The following ADIPOR2 variants were observed in gnomAD, a reference collection of about 807,000 sequenced individuals.
The protein encoded by ADIPOR2 is adiponectin receptor protein 2.
In ADIPOR2, 18 loss-of-function variants were observed where a neutral mutation model predicts 40.9. The ratio of observed to expected loss-of-function variants is 0.44; its 90% CI spans 0.30 to 0.65. ADIPOR2 has a LOEUF of 0.65. Ranked by LOEUF, ADIPOR2 falls within the 30% of genes least tolerant of loss-of-function variation. ADIPOR2 has a pLI of 0.09. For synonymous variants in ADIPOR2, 165 were observed against 166.4 expected (o/e 0.99, Z 0.06); for missense variants, 283 against 479.2 (o/e 0.59, Z 3.82).
chr12:1,729,849 G>A (rs1428554751), intron 1 of ADIPOR2, among the ~76,000 whole-genome samples: 3 of 151,894 alleles, frequency 2.0e-5, no homozygotes, highest in Non-Finnish European at 2.9e-5. Flanking sequence ...AAGAAAGCAG[G>A]GAAAAGCACA....
intron 3 of ADIPOR2, among the ~76,000 whole-genome samples, chr12:1,777,461 A>G (rs975462202): frequency 3.0e-5 from 4 of 135,136 alleles, no homozygotes; most frequent in African/African-American, 1.1e-4. Flanking sequence ...ATCTCAGCTC[A>G]CCACAACCTC....
chr12:1,711,496 C>A (rs1565633198), intron 1 of ADIPOR2, among the ~76,000 whole-genome samples: 1 of 151,952 alleles, frequency 6.6e-6, no homozygotes, highest in Non-Finnish European at 1.5e-5. Flanking sequence ...GGTTGAAGTT[C>A]CACTTAAGAA....
chr12:1,691,906 A>G (rs999386138), intron 1 of ADIPOR2, among the ~76,000 whole-genome samples: 4 of 152,184 alleles, frequency 2.6e-5, no homozygotes, highest in African/African-American at 7.2e-5. Flanking sequence ...CAACTTCATA[A>G]GATGGTCCAA....
intron 1 of ADIPOR2, among the ~76,000 whole-genome samples, chr12:1,749,329 G>A (rs1441237163): frequency 6.6e-6 from 1 of 152,140 alleles, no homozygotes; most frequent in Non-Finnish European, 1.5e-5. Context: ...CTACATGAGA[G>A]AGTCTTAAGA....
At chr12:1,708,624 A>G (rs2094668756) in intron 1 of ADIPOR2, among the ~76,000 whole-genome samples, 1 of 151,856 alleles carries the variant, frequency 6.6e-6, no homozygotes, top group African/African-American at 2.4e-5. Context: ...TGGTAAAAAG[A>G]CTATCCTTTC....
chr12:1,758,624 T>C (rs1862200461), intron 2 of ADIPOR2, among the ~76,000 whole-genome samples: 1 of 152,184 alleles, frequency 6.6e-6, no homozygotes, highest in Non-Finnish European at 1.5e-5. Flanking sequence ...AGAAGGGGGA[T>C]AGATAAGAGT....
At chr12:1,769,493 T>C (rs1431173398) in intron 2 of ADIPOR2, among the ~76,000 whole-genome samples, 1 of 152,272 alleles carries the variant, frequency 6.6e-6, no homozygotes. Flanking sequence ...GGGTAGGAAT[T>C]GGTCATAGTA....
intron 1 of ADIPOR2, among the ~76,000 whole-genome samples, chr12:1,700,180 T>A (rs1236366106): frequency 6.6e-6 from 1 of 152,230 alleles, no homozygotes; most frequent in Non-Finnish European, 1.5e-5. Context: ...AAGCATATGG[T>A]CTTAAAAGGG....
chr12:1,734,985 T>G (rs909073370), intron 1 of ADIPOR2, among the ~76,000 whole-genome samples: 3 of 152,192 alleles, frequency 2.0e-5, no homozygotes, highest in African/African-American at 7.2e-5. Flanking sequence ...CCATGCTGTT[T>G]TGGTTACTGT....
chr12:1,695,107 C>T (rs1038934836), intron 1 of ADIPOR2, among the ~76,000 whole-genome samples: 1 of 151,492 alleles, frequency 6.6e-6, no homozygotes, highest in African/African-American at 2.4e-5. Flanking sequence ...CCTCGACCTC[C>T]CGGGCTCAAG....
rs955320420 is a variant in ADIPOR2, at chr12:1,757,789, A to G, written c.171+3275A>G. On this transcript the variant is annotated intron_variant, in intron 2 of 7. Transcript: ENST00000357103. ...AGCAGGGTAGGTTATATGAGTTCGG[A>G]CCTTGCCATCGATCTTAATGAACCT... 3.2e-6 allele frequency: 3 copies of G among 937,266 alleles called. No individual in the cohort carries two copies. The African/African-American group carries it at 4.8e-5, about 15-fold the overall frequency. 58.1% of individuals were successfully genotyped at this position (937,266 alleles called of 1,614,324 possible).
intron 2 of ADIPOR2, among the ~76,000 whole-genome samples, chr12:1,755,406 G>A (rs539582988): frequency 3.3e-4 from 51 of 152,258 alleles, no homozygotes; most frequent in South Asian, 2.9e-3. Flanking sequence ...TACTTAACCT[G>A]CTTTATCTTG....
At chr12:1,781,431 T>C (rs1862717908) in intron 6 of ADIPOR2, among the ~76,000 whole-genome samples, 1 of 152,194 alleles carries the variant, frequency 6.6e-6, no homozygotes, top group Non-Finnish European at 1.5e-5. Flanking sequence ...GAGTGTACTT[T>C]TTGTAGTGAT....
At chr12:1,764,899 T>C (rs936858014) in intron 2 of ADIPOR2, among the ~76,000 whole-genome samples, 1 of 152,218 alleles carries the variant, frequency 6.6e-6, no homozygotes, top group Non-Finnish European at 1.5e-5. Flanking sequence ...GTCTGTGTTA[T>C]TTCTTTATAT....
intron 1 of ADIPOR2, among the ~76,000 whole-genome samples, chr12:1,727,629 A>G (rs980450982): frequency 1.3e-5 from 2 of 152,070 alleles, no homozygotes; most frequent in Non-Finnish European, 2.9e-5. Flanking sequence ...CCTGAGCCTC[A>G]GTGGATTCCA....
chr12:1,745,029 A>G (rs549463109), intron 1 of ADIPOR2, among the ~76,000 whole-genome samples: 17 of 152,330 alleles, frequency 1.1e-4, no homozygotes, highest in African/African-American at 2.9e-4. Flanking sequence ...GAAGGAGCCA[A>G]TCAGCACTGT....
intron 1 of ADIPOR2, among the ~76,000 whole-genome samples, chr12:1,734,227 A>G (rs1426815359): frequency 2.6e-5 from 4 of 152,204 alleles, no homozygotes; most frequent in African/African-American, 7.2e-5. Flanking sequence ...AGTCCCCCCA[A>G]CAGTGTAAAA....
intron 1 of ADIPOR2, among the ~76,000 whole-genome samples, chr12:1,751,513 CTTT>C (rs375451005): frequency 3.3e-5 from 5 of 152,004 alleles, no homozygotes; most frequent in African/African-American, 1.2e-4. Flanking sequence ...TTCAGTTTTT[CTTT>C]TTTATTACGA....
At chr12:1,726,211 T>C (rs2094707656) in intron 1 of ADIPOR2, among the ~76,000 whole-genome samples, 1 of 152,166 alleles carries the variant, frequency 6.6e-6, no homozygotes, top group Non-Finnish European at 1.5e-5. Flanking sequence ...ATTTTTTTTT[T>C]CTTGAGACGG....
Sources: gnomAD v4.1 joint callset for allele counts (sites outside exome capture counted in the v4.1 genomes callset) on GRCh38, gnomAD v4.1.1 for gene constraint, MANE v1.5 for transcripts, NCBI Gene and HGNC (gene_info 2026-07-23, HGNC 2026-07-21) for gene names.